Variants in KDM4B observed in about 807,000 individuals in gnomAD.
KDM4B encodes the protein lysine demethylase 4B.
In KDM4B, 32 loss-of-function variants were observed where a neutral mutation model predicts 125.2. The ratio of observed to expected loss-of-function variants is 0.26; its 90% CI spans 0.19 to 0.34. The LOEUF is 0.34. Ranked by LOEUF, KDM4B falls within the 10% of genes least tolerant of loss-of-function variation. The probability of loss-of-function intolerance (pLI) is 1.00; values close to 1 mark genes in which losing one functional copy is unlikely to be tolerated. For synonymous variants in KDM4B, 721 were observed against 677.9 expected, an observed-to-expected ratio of 1.06 and a Z score of -0.99; for missense variants, 1,190 against 1,577.7, an observed-to-expected ratio of 0.75 and a Z score of 4.16.
intron 1 of KDM4B, among the ~76,000 whole-genome samples, chr19:4,970,540 T>C (rs2034220003): frequency 6.6e-6 from 1 of 152,172 alleles, no homozygotes; most frequent in Non-Finnish European, 1.5e-5. Flanking sequence ...TCAATGGCCA[T>C]TTATCAGAAT....
At chr19:4,990,522 G>A (rs577505938) in intron 1 of KDM4B, among the ~76,000 whole-genome samples, 221 of 152,298 alleles carry the variant, frequency 1.5e-3, no homozygotes, top group South Asian at 3.9e-3. Flanking sequence ...CTGTGCCTGG[G>A]ATCCTGGGGC....
At chr19:5,137,476 A>G in intron 16 of KDM4B, 138 bp downstream of exon 16, 1 of 1,187,224 alleles carries the variant, frequency 8.4e-7, no homozygotes, top group East Asian at 2.6e-5. Flanking sequence ...GGTGGAACCC[A>G]AGGGATTCCC....
chr19:5,134,943 G>A (rs2039621678), intron 14 of KDM4B, among the ~76,000 whole-genome samples: 1 of 152,202 alleles, frequency 6.6e-6, no homozygotes, highest in South Asian at 2.1e-4. Flanking sequence ...GGAGCCACAG[G>A]GCCTGGAATG....
intron 15 of KDM4B, 54 bp downstream of exon 15, chr19:5,135,615 G>C: frequency 1.4e-6 from 2 of 1,450,390 alleles, no homozygotes; most frequent in Non-Finnish European, 9.3e-7. Flanking sequence ...GGGTGTTGGT[G>C]GGGGTGCCGG....
At position 5,020,884 on chromosome 19, in the gene KDM4B, C is replaced by T. The variant is rs866760012; in HGVS notation, c.-26+4545C>T. Among the ~76,000 whole-genome samples the T allele has an allele frequency of 2.6e-5, 4 of 152,230 alleles. No homozygotes were observed. The Middle Eastern group carries it at 0.01, about 388-fold the overall frequency. ...CTGACTGGCCGGGTGTGGTGGCTCA[C>T]GCCTGTCATACCAGCACTTTGGGAG... On this transcript the variant is annotated intron_variant, in intron 2 of 22. Transcript: ENST00000159111.
intron 2 of KDM4B, among the ~76,000 whole-genome samples, chr19:5,030,812 C>T (rs2036428755): frequency 6.6e-6 from 1 of 152,226 alleles, no homozygotes; most frequent in Non-Finnish European, 1.5e-5. Context: ...GGCCAGGGAC[C>T]CGGGAAGTGC....
At chr19:5,057,487 C>T (rs1005916247) in intron 6 of KDM4B, among the ~76,000 whole-genome samples, 29 of 152,218 alleles carry the variant, frequency 1.9e-4, no homozygotes, top group African/African-American at 6.0e-4. Context: ...TGCGAAAGAC[C>T]TATCATCTCT....
intron 1 of KDM4B, among the ~76,000 whole-genome samples, chr19:4,993,298 A>G (rs1230801403): frequency 6.6e-6 from 1 of 151,908 alleles, no homozygotes; most frequent in Non-Finnish European, 1.5e-5. Flanking sequence ...TATTCCAGCT[A>G]CTCGGGAGGC....
chr19:5,086,067 G>A (rs1269871015), intron 9 of KDM4B, among the ~76,000 whole-genome samples: 1 of 152,092 alleles, frequency 6.6e-6, no homozygotes, highest in Admixed American at 6.6e-5. Flanking sequence ...TTTGCGTTTC[G>A]GGCCACTTTG....
chr19:5,122,656 A>G (rs2039381469), intron 11 of KDM4B, among the ~76,000 whole-genome samples: 3 of 152,232 alleles, frequency 2.0e-5, no homozygotes, highest in Non-Finnish European at 2.9e-5. Flanking sequence ...AGACAAGCCG[A>G]TAAGTAGGGA....
At chr19:5,042,169 G>A (rs1362976815) in intron 5 of KDM4B, among the ~76,000 whole-genome samples, 3 of 152,178 alleles carry the variant, frequency 2.0e-5, no homozygotes, top group Non-Finnish European at 2.9e-5. Context: ...TTGGAGATGG[G>A]CCCTAAGTCT....
intron 18 of KDM4B, chr19:5,140,328 C>T (rs1343405357): frequency 6.6e-6 from 1 of 152,504 alleles, no homozygotes; most frequent in Non-Finnish European, 1.5e-5. Flanking sequence ...CTGCTGCACA[C>T]CCTGTAGCCC....
In KDM4B at chr19:5,114,182, C is replaced by G; in HGVS notation, c.1115+3364C>G. 1 of 1,289,788 alleles carries G rather than the reference C, an allele frequency of 7.8e-7. No individual in the cohort carries two copies. The highest frequency in any genetic ancestry group is 1.0e-6 in the Non-Finnish European group (1 of 988,864). The allele number at this position is 1,289,788 out of a possible 1,614,324, so 79.9% of individuals were successfully genotyped here. ...CACGCGACGCTCCTCCATGCAAACTCTTTCCACGCGAGAAGCGCCATGTGC... is the reference window on the plus strand; with the variant it reads ...CACGCGACGCTCCTCCATGCAAACTGTTTCCACGCGAGAAGCGCCATGTGC... On this transcript the variant is annotated intron_variant, in intron 10 of 22. Coordinates refer to ENST00000159111, the MANE Select transcript of KDM4B (RefSeq NM_015015.3). This position sits in a 1 kb window ranked among gnomAD's most constrained non-coding sequence, Gnocchi z 5.8.
chr19:5,028,121 A>G (rs956282482), intron 2 of KDM4B, among the ~76,000 whole-genome samples: 7 of 152,036 alleles, frequency 4.6e-5, no homozygotes, highest in African/African-American at 1.7e-4. Flanking sequence ...GCAGGCACGC[A>G]CCACCATGCC....
chr19:5,020,827 A>G (rs963776409), intron 2 of KDM4B, among the ~76,000 whole-genome samples: 36 of 152,324 alleles, frequency 2.4e-4, no homozygotes, highest in African/African-American at 6.5e-4. Context: ...GCACACGGAT[A>G]GGTGTCAGCT....
chr19:5,135,306 C>A, intron 14 of KDM4B, 33 bp from the exon 15 acceptor site: 1 of 1,502,998 alleles, frequency 6.7e-7, no homozygotes, highest in Non-Finnish European at 9.2e-7. Context: ...CCACACATGG[C>A]TCTGTCCCCT....
rs2145343101 is a variant in KDM4B, at chr19:4,984,804, C to G, written c.-109+15574C>G. Among the ~76,000 whole-genome samples the G allele has an allele frequency of 1.3e-5, 2 of 152,286 alleles. 1 individual carries two copies. The highest frequency in any genetic ancestry group is 1.3e-4 in the Admixed American group (2 of 15,302). On this transcript the variant is annotated intron_variant, in intron 1 of 22. Transcript: ENST00000159111. Reference sequence around the variant, plus strand: ...GACAGAGGTGTCCCTGCTGTAACCCCCACTTCGCAGGGTACCAGATGCCAC... The same window carrying G: ...GACAGAGGTGTCCCTGCTGTAACCCGCACTTCGCAGGGTACCAGATGCCAC...
chr19:4,973,498 A>G (rs757784085), intron 1 of KDM4B, among the ~76,000 whole-genome samples: 2 of 152,168 alleles, frequency 1.3e-5, no homozygotes, highest in Non-Finnish European at 2.9e-5. Context: ...CAAGTTGCAC[A>G]TACTTTTACT....
chr19:5,135,212 C>T (rs1478620080), intron 14 of KDM4B, 127 bp from the exon 15 acceptor site: 2 of 639,728 alleles, frequency 3.1e-6, no homozygotes, highest in East Asian at 2.7e-5. Context: ...TGGCCATCTC[C>T]CCGACCTCCC....
Sources: gnomAD v4.1 joint callset for allele counts (sites outside exome capture counted in the v4.1 genomes callset) on GRCh38, gnomAD v4.1.1 for gene constraint, Gnocchi (gnomAD v3.1) non-coding constraint, MANE v1.5 for transcripts, NCBI Gene and HGNC (gene_info 2026-07-23, HGNC 2026-07-21) for gene names.